The following H3-3A variants were observed in gnomAD, a reference collection of about 807,000 sequenced individuals.
The protein encoded by H3-3A is histone H3.3.
For missense variants in H3-3A, 7 were observed against 184.0 expected (o/e 0.04, Z 5.57); for synonymous variants, 49 against 61.4 (o/e 0.80, Z 0.95).
At chr1:226,071,259 G>C in intron 3 of H3-3A, 92 bp from the exon 4 acceptor site, 1 of 960,060 alleles carries the variant, frequency 1.0e-6, no homozygotes, top group South Asian at 1.5e-5. Context: ...TTTTTTAAAG[G>C]GTTCAAAAAC....
chr1:226,064,218 A>AT (rs1657844476), intron 1 of H3-3A, 111 bp from the exon 2 acceptor site: 4 of 724,098 alleles, frequency 5.5e-6, no homozygotes, highest in African/African-American at 3.6e-5. Flanking sequence ...TACGAACATT[A>AT]TTTTTTATAC....
chr1:226,071,128 A>G (rs1320589854), intron 3 of H3-3A, among the ~76,000 whole-genome samples: 1 of 152,216 alleles, frequency 6.6e-6, no homozygotes, highest in African/African-American at 2.4e-5. Flanking sequence ...GATTTGTGTA[A>G]CTTGATAAAA....
At chr1:226,062,332 TC>T (rs1287379604), upstream of H3-3A, among the ~76,000 whole-genome samples, 5 of 147,892 alleles carry the variant, frequency 3.4e-5, no homozygotes, top group African/African-American at 1.3e-4. Context: ...CGCCTTCCCC[TC>T]CCCCCACTTC....
chr1:226,066,592 C>T (rs537478161), intron 3 of H3-3A: 14 of 152,304 alleles, frequency 9.2e-5, no homozygotes, highest in African/African-American at 3.1e-4. Context: ...TCATTAACAT[C>T]AGTCACTTAA....
chr1:226,066,722 G>A (rs1173601699), intron 3 of H3-3A: 2 of 152,388 alleles, frequency 1.3e-5, no homozygotes, highest in Middle Eastern at 2.4e-3. Flanking sequence ...TGATTGTTAG[G>A]CACCATTGCA....
rs1658139067 is a variant in H3-3A at position 226,071,874 on chromosome 1, A to G, written c.*395A>G. 1 of 210,778 alleles carries G rather than the reference A, an allele frequency of 4.7e-6. No homozygotes were observed. Among genetic ancestry groups the G allele is most frequent in the East Asian group, 7.2e-5 (1 of 13,874 alleles). 13.1% of individuals were successfully genotyped at this position (210,778 alleles called of 1,614,324 possible). ...AAATGGTGTTTGTAGCATTTTTATCATACAGTAGATTCCATCCATTCACTA... is the reference window on the plus strand; with the variant it reads ...AAATGGTGTTTGTAGCATTTTTATCGTACAGTAGATTCCATCCATTCACTA... On this transcript the variant is annotated 3_prime_UTR_variant, in exon 4 of 4. Transcript: ENST00000366815.
intron 3 of H3-3A, among the ~76,000 whole-genome samples, chr1:226,070,240 G>C (rs1209727401): frequency 2.0e-5 from 3 of 152,168 alleles, no homozygotes; most frequent in Non-Finnish European, 4.4e-5. Flanking sequence ...CCAGCACTTT[G>C]GGAGGCCGAG....
intron 3 of H3-3A, among the ~76,000 whole-genome samples, chr1:226,069,541 G>C (rs958816925): frequency 2.0e-5 from 3 of 152,162 alleles, no homozygotes; most frequent in Non-Finnish European, 4.4e-5. Flanking sequence ...ATTTCAAAAT[G>C]AGTAAGCAGG....
chr1:226,062,468 G>A (rs1237929441), upstream of H3-3A, among the ~76,000 whole-genome samples: 4 of 149,382 alleles, frequency 2.7e-5, no homozygotes, highest in Non-Finnish European at 6.0e-5. Context: ...GGGAGCCGGC[G>A]GCCCCTCAGC....
chr1:226,068,466 G>T (rs1657995677), intron 3 of H3-3A, among the ~76,000 whole-genome samples: 1 of 152,146 alleles, frequency 6.6e-6, no homozygotes, highest in Non-Finnish European at 1.5e-5. Context: ...TAATCCCGAG[G>T]TGCCAGGTTA....
chr1:226,065,532 T>G (rs1375411940), intron 2 of H3-3A, 124 bp from the exon 3 acceptor site: 3 of 609,944 alleles, frequency 4.9e-6, no homozygotes, highest in Non-Finnish European at 8.4e-6. Context: ...AATTTGATAC[T>G]GAAGCTGAAG....
At chr1:226,069,793 T>C (rs1195892244) in intron 3 of H3-3A, among the ~76,000 whole-genome samples, 1 of 152,124 alleles carries the variant, frequency 6.6e-6, no homozygotes, top group Non-Finnish European at 1.5e-5. Flanking sequence ...GTTATACCAC[T>C]GCACTCCAGC....
At chr1:226,064,597 T>C (rs1231089619) in intron 2 of H3-3A, 118 bp downstream of exon 2, 1 of 683,548 alleles carries the variant, frequency 1.5e-6, no homozygotes, top group Non-Finnish European at 2.5e-6. Flanking sequence ...TTTTTTCATT[T>C]GAACACTTAA....
Position 226,062,751 on chromosome 1 carries a change from GTCGCTCTCCAACGCCAGCGCCGCCTC to G in H3-3A, c.-77_-52del. 5.9e-6 allele frequency: 1 copy of G among 168,300 alleles called. No individual in the cohort carries two copies. The highest frequency in any genetic ancestry group is 1.6e-4 in the South Asian group (1 of 6,092). 10.4% of individuals were successfully genotyped at this position (168,300 alleles called of 1,614,324 possible). A position where few individuals can be genotyped will look rare whatever the true frequency, so the allele number is the denominator to read the frequency against. On this transcript the variant is annotated 5_prime_UTR_variant, in exon 1 of 4. Transcript: ENST00000366815. ...TGTTCGCAGCCGCCGCCGCGCCGCCGTCGCTCTCCAACGCCAGCGCCGCCTCTCGCTCGCCGAGCTCCAGCCGAAGG... is the reference window on the plus strand; with the variant it reads ...TGTTCGCAGCCGCCGCCGCGCCGCCGTCGCTCGCCGAGCTCCAGCCGAAGG...
intron 2 of H3-3A, 146 bp downstream of exon 2, chr1:226,064,625 G>T: frequency 1.6e-6 from 1 of 610,526 alleles, no homozygotes; most frequent in Non-Finnish European, 2.9e-6. Flanking sequence ...TTAAATAAAT[G>T]TACTGTATGA....
At chr1:226,065,904 A>G (rs1457401188) in intron 3 of H3-3A, 95 bp downstream of exon 3, 4 of 940,150 alleles carry the variant, frequency 4.3e-6, no homozygotes, top group Middle Eastern at 4.1e-4. Context: ...ATTTAATCAC[A>G]AGCCTGTCAG....
At chr1:226,066,577 A>G (rs1029106941) in intron 3 of H3-3A, 1 of 152,230 alleles carries the variant, frequency 6.6e-6, no homozygotes, top group African/African-American at 2.4e-5. Context: ...AAAGGTATGT[A>G]GACGTCATTA....
intron 3 of H3-3A, chr1:226,066,945 C>T (rs1657943908): frequency 2.0e-5 from 3 of 152,292 alleles, no homozygotes; most frequent in Admixed American, 6.5e-5. Flanking sequence ...AGTAGGCATC[C>T]ATTAAATTCT....
In H3-3A at chr1:226,071,017, G is replaced by T. The variant is rs560480477; in HGVS notation, c.283-334G>T. ...GACATGATTGCGTTTATAAGAATGA[G>T]AGTGTTAAATTGGATTTCTTGCTTT... On this transcript the variant is annotated intron_variant, in intron 3 of 3. Transcript: ENST00000366815. Among the ~76,000 whole-genome samples, 8 of 152,308 alleles carry T rather than the reference G, an allele frequency of 5.3e-5. No homozygotes were observed. The South Asian group carries it at 1.7e-3, about 32-fold the overall frequency.
Sources: gnomAD v4.1 joint callset for allele counts (sites outside exome capture counted in the v4.1 genomes callset) on GRCh38, gnomAD v4.1.1 for gene constraint, MANE v1.5 for transcripts, NCBI Gene and HGNC (gene_info 2026-07-23, HGNC 2026-07-21) for gene names.